The following SORBS2 variants were observed in gnomAD, a reference collection of about 807,000 sequenced individuals.
SORBS2 encodes the protein sorbin and SH3 domain containing 2.
SORBS2 carries 46 observed loss-of-function variants against 97.7 expected under a neutral mutation model. That is an observed-to-expected ratio of 0.47 (90% CI 0.37 to 0.60). SORBS2 has a LOEUF of 0.60. Among genes scored for constraint, SORBS2 ranks in the 20% least tolerant of loss-of-function variants. SORBS2 has a pLI of 0.00. For missense variants in SORBS2, 1,316 were observed against 1,282.3 expected (o/e 1.03, Z -0.40); for synonymous variants, 476 against 473.4 (o/e 1.01, Z -0.07).
At chr4:185,777,587 G>A (rs1441274833) in intron 1 of SORBS2, among the ~76,000 whole-genome samples, 1 of 152,162 alleles carries the variant, frequency 6.6e-6, no homozygotes, top group South Asian at 2.1e-4. Flanking sequence ...TAGGAATAAT[G>A]CACAGAAAAT....
exon 11 of SORBS2, chr4:185,614,922 G>A (rs2096605178): frequency 6.2e-7 from 1 of 1,614,024 alleles, no homozygotes; most frequent in Non-Finnish European, 8.5e-7. Flanking sequence ...TGGCGGAGGT[G>A]GTCTTGCAGG....
At chr4:185,761,172 A>G (rs766768525) in intron 2 of SORBS2, among the ~76,000 whole-genome samples, 2 of 152,240 alleles carry the variant, frequency 1.3e-5, no homozygotes, top group African/African-American at 2.4e-5. Context: ...ATGTTAAAAT[A>G]CTTGAATTCA....
At position 185,872,915 on chromosome 4, in the gene SORBS2, G is replaced by A. The variant is rs146862872; in HGVS notation, c.-338+83281C>T. On this transcript the variant is annotated intron_variant, in intron 1 of 20. Coordinates refer to the SORBS2 transcript ENST00000284776. ...TTCACATTCATTGGTGACCACTAGA[G>A]GTGGGAGTCGCTGGGATATTTTTAG... Among the ~76,000 whole-genome samples, 252 of 152,304 alleles carry A rather than the reference G, an allele frequency of 1.7e-3. 2 individuals are homozygous for A. The highest frequency in any genetic ancestry group is 5.7e-3 in the African/African-American group (238 of 41,570).
At chr4:185,863,439 A>G (rs552375043) in intron 1 of SORBS2, among the ~76,000 whole-genome samples, 4 of 152,246 alleles carry the variant, frequency 2.6e-5, no homozygotes, top group Non-Finnish European at 5.9e-5. Flanking sequence ...CTCCAATTCA[A>G]TATACTCACA....
At chr4:185,920,845 TAAATGGTAACA>T (rs2099260601) in intron 1 of SORBS2, among the ~76,000 whole-genome samples, 1 of 152,182 alleles carries the variant, frequency 6.6e-6, no homozygotes, top group Admixed American at 6.5e-5. Context: ...CAGTGATAAG[TAAATGGTAACA>T]AAAGTCATCT....
At chr4:185,948,450 G>A (rs2099275576) in intron 1 of SORBS2, among the ~76,000 whole-genome samples, 1 of 149,886 alleles carries the variant, frequency 6.7e-6, no homozygotes, top group Non-Finnish European at 1.5e-5. Context: ...CCACACTCCA[G>A]TAGTTCATAA....
intron 1 of SORBS2, among the ~76,000 whole-genome samples, chr4:185,896,747 CA>C (rs1033019545): frequency 7.9e-5 from 12 of 152,026 alleles, no homozygotes; most frequent in Admixed American, 6.6e-5. Context: ...GTGCCCCTAA[CA>C]AAGAGCCATG....
intron 12 of SORBS2, among the ~76,000 whole-genome samples, chr4:185,602,358 C>A (rs2096283657): frequency 6.6e-6 from 1 of 152,166 alleles, no homozygotes; most frequent in African/African-American, 2.4e-5. Flanking sequence ...AAAGCAGATG[C>A]TCAGAAGACT....
At chr4:185,637,790 T>TG (rs2097046706) in intron 4 of SORBS2, among the ~76,000 whole-genome samples, 1 of 152,118 alleles carries the variant, frequency 6.6e-6, no homozygotes, top group Non-Finnish European at 1.5e-5. Context: ...ACAGCTGTAA[T>TG]AATTGTCTGA....
In SORBS2 at chr4:185,638,868, G is replaced by C; in HGVS notation, c.396+7800C>G. On this transcript the variant is annotated intron_variant, in intron 4 of 14. Coordinates refer to ENST00000418609, the Ensembl canonical transcript of SORBS2. ...GGCATGAAGAAAGGTAAGGAAGGAA[G>C]GAGCTCACCCGGGTGGGAGACAGAG... The C allele has an allele frequency of 6.9e-7, 1 of 1,455,102 alleles. No individual in the cohort carries two copies. The highest frequency in any genetic ancestry group is 9.0e-7 in the Non-Finnish European group (1 of 1,108,484). 90.1% of individuals were successfully genotyped at this position (1,455,102 alleles called of 1,614,324 possible). A position where few individuals can be genotyped will look rare whatever the true frequency, so the allele number is the denominator to read the frequency against.
chr4:185,743,481 A>G (rs940903943), intron 2 of SORBS2, among the ~76,000 whole-genome samples: 2 of 152,164 alleles, frequency 1.3e-5, no homozygotes, highest in Non-Finnish European at 2.9e-5. Flanking sequence ...CTTCTTCCAC[A>G]TTGTCCTTCA....
chr4:185,832,471 C>T (rs2099205689), intron 1 of SORBS2, among the ~76,000 whole-genome samples: 1 of 152,118 alleles, frequency 6.6e-6, no homozygotes, highest in Non-Finnish European at 1.5e-5. Flanking sequence ...ACTTAGAAGT[C>T]AATGATTTTG....
chr4:185,639,597 C>A (rs2097093729), intron 4 of SORBS2, among the ~76,000 whole-genome samples: 2 of 152,112 alleles, frequency 1.3e-5, no homozygotes, highest in Non-Finnish European at 2.9e-5. Flanking sequence ...TGTAGTAAAT[C>A]TAAGAGCTTA....
chr4:185,639,847 TAAAG>T (rs2097097063), intron 4 of SORBS2, among the ~76,000 whole-genome samples: 2 of 152,194 alleles, frequency 1.3e-5, no homozygotes, highest in African/African-American at 4.8e-5. Context: ...TTACAATTCT[TAAAG>T]AAACTCAGGG....
chr4:185,764,809 T>C (rs2098924728), intron 2 of SORBS2, among the ~76,000 whole-genome samples: 1 of 152,182 alleles, frequency 6.6e-6, no homozygotes, highest in Non-Finnish European at 1.5e-5. Context: ...TCATTTATCT[T>C]AAAATAGAAG....
intron 1 of SORBS2, among the ~76,000 whole-genome samples, chr4:185,908,327 A>C (rs906652758): frequency 4.9e-5 from 7 of 143,474 alleles, no homozygotes; most frequent in African/African-American, 7.5e-5. Flanking sequence ...ATATATTTGT[A>C]TACACACAAA....
intron 1 of SORBS2, among the ~76,000 whole-genome samples, chr4:185,934,610 AAAC>A (rs572166022): frequency 1.1e-4 from 16 of 151,860 alleles, no homozygotes; most frequent in South Asian, 2.1e-4. Context: ...AAAATACAAA[AAAC>A]AACAACAACA....
chr4:185,836,786 T>C (rs982154865), intron 1 of SORBS2, among the ~76,000 whole-genome samples: 13 of 152,236 alleles, frequency 8.5e-5, no homozygotes, highest in Non-Finnish European at 1.6e-4. Context: ...AAATGTTCTT[T>C]TGAATTTTAA....
intron 1 of SORBS2, among the ~76,000 whole-genome samples, chr4:185,938,803 A>G (rs1424505824): frequency 1.3e-5 from 2 of 151,998 alleles, no homozygotes; most frequent in East Asian, 3.9e-4. Flanking sequence ...TTCTGCCTTC[A>G]TCCCCTGCTC....
Sources: allele counts gnomAD v4.1 joint callset (sites outside exome capture counted in the v4.1 genomes callset), GRCh38; gene constraint gnomAD v4.1.1; transcripts MANE v1.5; gene names NCBI Gene and HGNC (gene_info 2026-07-23, HGNC 2026-07-21).